TOGARAM2: variants seen among roughly 807,000 people sequenced by gnomAD.
TOGARAM2 encodes TOG array regulator of axonemal microtubules protein 2.
TOGARAM2 carries 85 observed loss-of-function variants against 93.3 expected under a neutral mutation model. That is an observed-to-expected ratio of 0.91 (90% CI 0.76 to 1.09). The LOEUF is 1.09. Among genes scored for constraint, TOGARAM2 ranks in the 50% least tolerant of loss-of-function variants. The probability of loss-of-function intolerance (pLI) is 0.00; values close to 1 mark genes in which losing one functional copy is unlikely to be tolerated. For synonymous variants in TOGARAM2, 593 were observed against 552.8 expected (o/e 1.07, Z -1.02); for missense variants, 1,277 against 1,334.5 (o/e 0.96, Z 0.67).
intron 19 of TOGARAM2, 111 bp from the exon 20 acceptor site, chr2:29,051,645 G>A: frequency 2.6e-6 from 2 of 778,882 alleles, no homozygotes; most frequent in Non-Finnish European, 2.0e-6. Context: ...CTTAGTTGCT[G>A]TGCCTGCTGG....
At chr2:28,974,379 C>T (rs147482068) in intron 1 of TOGARAM2, among the ~76,000 whole-genome samples, 90 of 152,102 alleles carry the variant, frequency 5.9e-4, no homozygotes, top group African/African-American at 1.7e-3. Context: ...CCACATGCCT[C>T]GGCCTCTTAA....
At chr2:28,992,036 C>G (rs931393202) in intron 1 of TOGARAM2, among the ~76,000 whole-genome samples, 2 of 152,150 alleles carry the variant, frequency 1.3e-5, no homozygotes, top group Admixed American at 6.5e-5. Flanking sequence ...CAGGGGCTGG[C>G]TGTTCTAACA....
upstream of TOGARAM2, among the ~76,000 whole-genome samples, chr2:28,979,159 G>A (rs1672077291): frequency 6.6e-6 from 1 of 152,086 alleles, no homozygotes; most frequent in Non-Finnish European, 1.5e-5. Flanking sequence ...GGCTCCCCCA[G>A]AGGCCCGGGG....
intron 1 of TOGARAM2, among the ~76,000 whole-genome samples, chr2:28,958,886 TC>T (rs1671761221): frequency 6.6e-6 from 1 of 152,196 alleles, no homozygotes; most frequent in Admixed American, 6.5e-5. Context: ...CTGTCTAAAC[TC>T]CCGTGGAGGG....
intron 18 of TOGARAM2, among the ~76,000 whole-genome samples, chr2:29,042,174 G>A (rs1007383713): frequency 6.6e-6 from 1 of 152,224 alleles, no homozygotes; most frequent in Non-Finnish European, 1.5e-5. Context: ...AACCTGAAAG[G>A]TGAGCCTTCA....
intron 1 of TOGARAM2, among the ~76,000 whole-genome samples, chr2:28,983,387 T>C (rs1401002057): frequency 6.6e-6 from 1 of 151,756 alleles, no homozygotes; most frequent in Non-Finnish European, 1.5e-5. Context: ...TTGTCTTTCT[T>C]TGAACTTTAT....
chr2:29,023,229 C>T (rs1258762599), intron 12 of TOGARAM2, 38 bp downstream of exon 12: 1 of 1,515,866 alleles, frequency 6.6e-7, no homozygotes, highest in Admixed American at 2.0e-5. Context: ...CATTTGGCCC[C>T]ACTGCAGCTG....
At chr2:28,994,679 T>C in intron 1 of TOGARAM2, 46 bp from the exon 2 acceptor site, 1 of 662,538 alleles carries the variant, frequency 1.5e-6, no homozygotes, top group Non-Finnish European at 2.6e-6. Flanking sequence ...AGTTTAAAAG[T>C]GTTAATTTGC....
At chr2:28,999,941 T>C (rs1169747656) in intron 4 of TOGARAM2, among the ~76,000 whole-genome samples, 1 of 152,154 alleles carries the variant, frequency 6.6e-6, no homozygotes, top group East Asian at 1.9e-4. Context: ...TTAGAGCCAC[T>C]GCTCCTCCCC....
At chr2:28,991,092 A>G (rs1336538049) in intron 1 of TOGARAM2, among the ~76,000 whole-genome samples, 1 of 151,378 alleles carries the variant, frequency 6.6e-6, no homozygotes, top group East Asian at 2.0e-4. Context: ...TTATTGAGCA[A>G]TTACTATATG....
chr2:28,964,222 C>G (rs1366878859), intron 1 of TOGARAM2, among the ~76,000 whole-genome samples: 1 of 152,086 alleles, frequency 6.6e-6, no homozygotes, highest in Non-Finnish European at 1.5e-5. Context: ...GTATGTTATG[C>G]TTTGTTATGG....
intron 7 of TOGARAM2, 113 bp from the exon 8 acceptor site, chr2:29,014,282 G>A (rs2148328799): frequency 7.7e-7 from 1 of 1,303,744 alleles, no homozygotes; most frequent in East Asian, 2.5e-5. Context: ...TTGCTCCATT[G>A]AGGAAGAATT....
At chr2:28,958,353 T>C (rs1671754879) in intron 1 of TOGARAM2, among the ~76,000 whole-genome samples, 1 of 151,810 alleles carries the variant, frequency 6.6e-6, no homozygotes, top group South Asian at 2.1e-4. Flanking sequence ...TTTTTCAGGC[T>C]GGAGTGCAGT....
chr2:28,983,071 T>A (rs1396809976), intron 1 of TOGARAM2, among the ~76,000 whole-genome samples: 1 of 151,584 alleles, frequency 6.6e-6, no homozygotes, highest in African/African-American at 2.4e-5. Flanking sequence ...CACTGCAACC[T>A]CTGCCTCCTA....
intron 1 of TOGARAM2, among the ~76,000 whole-genome samples, chr2:28,987,760 T>C (rs1466249630): frequency 1.3e-5 from 2 of 152,214 alleles, no homozygotes; most frequent in East Asian, 1.9e-4. Context: ...CCACCTGATC[T>C]CACGATGGGA....
At chr2:28,962,763 C>T in intron 1 of TOGARAM2, among the ~76,000 whole-genome samples, 1 of 131,950 alleles carries the variant, frequency 7.6e-6, no homozygotes, top group East Asian at 2.4e-4. Context: ...CTCCCCTCCC[C>T]TTCCCTCCCC....
chr2:28,976,749 G>A (rs1442374678), upstream of TOGARAM2, among the ~76,000 whole-genome samples: 2 of 152,218 alleles, frequency 1.3e-5, no homozygotes, highest in Non-Finnish European at 2.9e-5. Flanking sequence ...CCTGTGCTTA[G>A]GTTGCATACA....
chr2:29,024,022 C>A, intron 12 of TOGARAM2, 117 bp from the exon 13 acceptor site: 2 of 840,834 alleles, frequency 2.4e-6, no homozygotes, highest in Admixed American at 2.6e-5. Flanking sequence ...GTGGCAAGGC[C>A]TAGGTCAGGG....
intron 6 of TOGARAM2, among the ~76,000 whole-genome samples, chr2:29,006,859 C>A (rs1445580714): frequency 6.6e-6 from 1 of 152,204 alleles, no homozygotes; most frequent in Non-Finnish European, 1.5e-5. Context: ...TCTTCCTCCC[C>A]TCGGAGCAGC....
Sources: gnomAD v4.1 joint callset for allele counts (sites outside exome capture counted in the v4.1 genomes callset) on GRCh38, gnomAD v4.1.1 for gene constraint, MANE v1.5 for transcripts, NCBI Gene and HGNC (gene_info 2026-07-23, HGNC 2026-07-21) for gene names.